Variants in ADH7 observed in about 807,000 individuals in gnomAD.
ADH7 encodes the protein alcohol dehydrogenase 7 (class IV), mu or sigma polypeptide, also known as all-trans-retinol dehydrogenase [NAD(+)] ADH7.
ADH7 carries 41 observed loss-of-function variants against 34.4 expected under a neutral mutation model. That is an observed-to-expected ratio of 1.19 (90% CI 0.93 to 1.55). The LOEUF (loss-of-function observed/expected upper bound fraction) is 1.55, where lower values mean the gene tolerates loss of function less well. Ranked by LOEUF, ADH7 falls within the 40% of genes most tolerant of loss-of-function variation. ADH7 has a pLI of 0.00. For missense variants in ADH7, 540 were observed against 461.2 expected, an observed-to-expected ratio of 1.17 and a Z score of -1.56; for synonymous variants, 180 against 160.9, an observed-to-expected ratio of 1.12 and a Z score of -0.90.
At chr4:99,423,210 T>C (rs992001541) in intron 5 of ADH7, among the ~76,000 whole-genome samples, 1 of 150,778 alleles carries the variant, frequency 6.6e-6, no homozygotes, top group African/African-American at 2.4e-5. Context: ...CATGAACTCA[T>C]CATTTTTTAT....
chr4:99,417,507 T>C (rs991045689), intron 7 of ADH7, among the ~76,000 whole-genome samples: 2 of 152,138 alleles, frequency 1.3e-5, no homozygotes, highest in Non-Finnish European at 2.9e-5. Context: ...AGCATTCACC[T>C]CCACCTCCAC....
At chr4:99,432,169 A>G (rs1296017740) in intron 1 of ADH7, among the ~76,000 whole-genome samples, 1 of 152,208 alleles carries the variant, frequency 6.6e-6, no homozygotes, top group African/African-American at 2.4e-5. Context: ...TTGCAGGGAC[A>G]TGGAAGGAGC....
At chr4:99,423,511 C>G (rs201306059) in intron 5 of ADH7, among the ~76,000 whole-genome samples, 1 of 151,286 alleles carries the variant, frequency 6.6e-6, no homozygotes, top group Non-Finnish European at 1.5e-5. Context: ...AAAAGTGTTC[C>G]TATTTCTCCA....
rs553642380 is a variant in ADH7, at chr4:99,434,155, C to T, written c.18+1061G>A. ...AAATGTTCTTACAGTGGATGAATAT[C>T]GACTTCCTAGAAATAGTGTAACCAG... On this transcript the variant is annotated intron_variant, in intron 1 of 8. Transcript: ENST00000437033. Among the ~76,000 whole-genome samples, 37 of 152,220 alleles carry T rather than the reference C, an allele frequency of 2.4e-4. No homozygotes were observed. The East Asian group carries it at 3.9e-3, about 16-fold the overall frequency.
intron 1 of ADH7, chr4:99,434,910 T>C (rs1398236823): frequency 2.3e-6 from 2 of 877,592 alleles, no homozygotes; most frequent in Non-Finnish European, 3.5e-6. Flanking sequence ...ACATTTGGCT[T>C]CCTGGAGCAA....
intron 1 of ADH7, among the ~76,000 whole-genome samples, chr4:99,431,947 C>T (rs954525703): frequency 6.6e-6 from 1 of 152,096 alleles, no homozygotes; most frequent in African/African-American, 2.4e-5. Context: ...AACATTTGAC[C>T]CAGCAATCCC....
intron 5 of ADH7, among the ~76,000 whole-genome samples, chr4:99,424,173 A>C (rs1391837202): frequency 2.6e-5 from 4 of 152,210 alleles, no homozygotes; most frequent in Admixed American, 2.0e-4. Flanking sequence ...AGGTTTGTCA[A>C]AGATCAGATA....
chr4:99,420,931 A>C (rs868583665), intron 5 of ADH7, 138 bp from the exon 6 acceptor site: 2 of 772,490 alleles, frequency 2.6e-6, no homozygotes, highest in African/African-American at 3.5e-5. Context: ...ATATCTAGGA[A>C]TACAACTTAC....
intron 7 of ADH7, among the ~76,000 whole-genome samples, chr4:99,417,725 GT>G (rs754580645): frequency 3.7e-4 from 56 of 152,154 alleles, no homozygotes; most frequent in Admixed American, 4.6e-4. Flanking sequence ...GTACACAATG[GT>G]ACCTGTACTC....
chr4:99,419,995 G>A (rs948537102), intron 6 of ADH7, among the ~76,000 whole-genome samples: 2 of 152,150 alleles, frequency 1.3e-5, no homozygotes, highest in Non-Finnish European at 2.9e-5. Context: ...CTAACTGAAG[G>A]TCTGGTGCTG....
Position 99,413,059 on chromosome 4 carries a change from G to A in ADH7, c.*89C>T. 4 of 1,318,052 alleles carry A rather than the reference G, an allele frequency of 3.0e-6. No individual in the cohort carries two copies. Among genetic ancestry groups the A allele is most frequent in the Non-Finnish European group, 4.3e-6 (4 of 920,212 alleles). The allele number at this position is 1,318,052 out of a possible 1,614,324, so 81.6% of individuals were successfully genotyped here. A position where few individuals can be genotyped will look rare whatever the true frequency, so the allele number is the denominator to read the frequency against. ...ATCTTCTACTTATGCTTGTATTTGT[G>A]AGACAGATACATGATTTCAGATGAG... On this transcript the variant is annotated 3_prime_UTR_variant, in exon 9 of 9. Coordinates refer to ENST00000437033, the MANE Select transcript of ADH7 (RefSeq NM_000673.7).
In ADH7 at chr4:99,427,772, C is replaced by G; in HGVS notation, c.564+1G>C. ...ATAAACTAGCCTACCCTGTTTCTTA[C>G]CTTGCCAGTTTTAACAGCAGCGCCA... On this transcript the variant is annotated splice_donor_variant, in intron 5 of 8. Coordinates refer to ENST00000437033, the MANE Select transcript of ADH7 (RefSeq NM_000673.7). LOFTEE classifies it high-confidence loss of function. 1 of 1,523,708 alleles carries G rather than the reference C, an allele frequency of 6.6e-7. No homozygotes were observed. The highest frequency in any genetic ancestry group is 2.3e-5 in the East Asian group (1 of 43,566). 94.4% of individuals were successfully genotyped at this position (1,523,708 alleles called of 1,614,324 possible).
intron 5 of ADH7, among the ~76,000 whole-genome samples, chr4:99,421,230 A>G (rs1485458079): frequency 6.6e-6 from 1 of 152,240 alleles, no homozygotes; most frequent in Non-Finnish European, 1.5e-5. Context: ...TGGAGGCATC[A>G]TGCTACCAGC....
chr4:99,426,664 T>C (rs1470087265), intron 5 of ADH7, among the ~76,000 whole-genome samples: 1 of 152,212 alleles, frequency 6.6e-6, no homozygotes, highest in East Asian at 1.9e-4. Flanking sequence ...CTTCTGAAAC[T>C]ATTCCAATCA....
intron 5 of ADH7, among the ~76,000 whole-genome samples, chr4:99,423,428 C>T (rs534543305): frequency 0.048 from 7,229 of 149,866 alleles, 270 homozygotes; most frequent in Middle Eastern, 0.093. Flanking sequence ...GTATTTCTAG[C>T]TCTAGATCCC....
chr4:99,435,283 CT>C lies in ADH7; in HGVS notation c.-51del. ...TTCTGCAAACATAGACTTTTTCTGA[CT>C]GATGCTCAGTTCACTCTGTTGTATA... On this transcript the variant is annotated 5_prime_UTR_variant, in exon 1 of 9. Transcript: ENST00000437033. 1 of 1,612,314 alleles carries C rather than the reference CT, an allele frequency of 6.2e-7. No individual in the cohort carries two copies. Among genetic ancestry groups the C allele is most frequent in the Non-Finnish European group, 8.5e-7 (1 of 1,179,192 alleles).
intron 2 of ADH7, among the ~76,000 whole-genome samples, chr4:99,429,087 A>G (rs1201707852): frequency 1.3e-5 from 2 of 152,210 alleles, no homozygotes; most frequent in East Asian, 1.9e-4. Context: ...CTACTCAACA[A>G]CTGGTGTCCA....
At chr4:99,416,166 C>CA (rs1315262960) in intron 7 of ADH7, among the ~76,000 whole-genome samples, 1 of 152,042 alleles carries the variant, frequency 6.6e-6, no homozygotes, top group East Asian at 1.9e-4. Flanking sequence ...TAAAAAGAAA[C>CA]AAAGGTTAAA....
At chr4:99,424,800 A>G (rs1005376872) in intron 5 of ADH7, among the ~76,000 whole-genome samples, 1 of 152,082 alleles carries the variant, frequency 6.6e-6, no homozygotes, top group African/African-American at 2.4e-5. Context: ...TTTTCTAGAT[A>G]TACAATCATG....
Sources: allele counts gnomAD v4.1 joint callset (sites outside exome capture counted in the v4.1 genomes callset), GRCh38; gene constraint gnomAD v4.1.1; transcripts MANE v1.5; gene names NCBI Gene and HGNC (gene_info 2026-07-23, HGNC 2026-07-21).